Variants in NEDD9 observed in about 807,000 individuals in gnomAD.
NEDD9 encodes the protein neural precursor cell expressed, developmentally down-regulated 9, also known as enhancer of filamentation 1.
Under a neutral mutation model 76.6 loss-of-function variants are expected in NEDD9, and 26 were observed. The ratio of observed to expected loss-of-function variants is 0.34; its 90% confidence interval spans 0.25 to 0.47. The LOEUF (loss-of-function observed/expected upper bound fraction) is 0.47. Ranked by LOEUF, NEDD9 falls within the 20% of genes least tolerant of loss-of-function variation. NEDD9 has a pLI of 1.00. For synonymous variants in NEDD9, 392 were observed against 414.2 expected (o/e 0.95, Z 0.65); for missense variants, 937 against 1,058.5 (o/e 0.89, Z 1.59).
chr6:11,330,944 T>C (rs1762024442), intron 2 of NEDD9, among the ~76,000 whole-genome samples: 1 of 152,186 alleles, frequency 6.6e-6, no homozygotes, highest in African/African-American at 2.4e-5. Flanking sequence ...GTTTATCTAG[T>C]CTATTGTGCA....
At chr6:11,314,096 A>T (rs924268886) in intron 2 of NEDD9, among the ~76,000 whole-genome samples, 2 of 152,232 alleles carry the variant, frequency 1.3e-5, no homozygotes, top group Non-Finnish European at 2.9e-5. Context: ...CTTATAAAAC[A>T]TTCGCAAATT....
At chr6:11,363,526 T>C (rs1762713495) in intron 1 of NEDD9, among the ~76,000 whole-genome samples, 1 of 152,086 alleles carries the variant, frequency 6.6e-6, no homozygotes. Context: ...TACCAGACCA[T>C]AAATGCACTC....
chr6:11,373,948 A>T (rs1163875332), intron 1 of NEDD9, among the ~76,000 whole-genome samples: 1 of 152,142 alleles, frequency 6.6e-6, no homozygotes, highest in African/African-American at 2.4e-5. Flanking sequence ...TCAAGTAGCA[A>T]TGTCAGTTCT....
chr6:11,377,725 T>C (rs554214139), intron 1 of NEDD9, among the ~76,000 whole-genome samples: 4 of 152,296 alleles, frequency 2.6e-5, no homozygotes, highest in South Asian at 2.1e-4. Flanking sequence ...GAGAAGATGA[T>C]TGTATTTTGC....
intron 3 of NEDD9, among the ~76,000 whole-genome samples, chr6:11,238,574 GTTC>G (rs763595367): frequency 2.0e-5 from 3 of 152,196 alleles, no homozygotes; most frequent in Non-Finnish European, 4.4e-5. Flanking sequence ...TGCGTATGTA[GTTC>G]TTCTTTCATC....
intron 3 of NEDD9, among the ~76,000 whole-genome samples, chr6:11,274,542 G>A (rs947323472): frequency 2.2e-4 from 33 of 152,150 alleles, no homozygotes; most frequent in African/African-American, 7.2e-4. Flanking sequence ...CAATCAACTC[G>A]TTAATCCACT....
At chr6:11,334,587 G>A (rs549513190) in intron 1 of NEDD9, 3 of 152,262 alleles carry the variant, frequency 2.0e-5, no homozygotes, top group Admixed American at 6.5e-5. Flanking sequence ...TGGAGCAAAC[G>A]TTAATTGCAT....
chr6:11,214,964 GCTGT>G (rs1222944975), intron 1 of NEDD9, among the ~76,000 whole-genome samples: 3 of 152,166 alleles, frequency 2.0e-5, no homozygotes, highest in Admixed American at 1.3e-4. Flanking sequence ...CTGAGCTTTT[GCTGT>G]CTATTTTCTT....
At chr6:11,233,441 G>A (rs1561800812), upstream of NEDD9, 1 of 518,936 alleles carries the variant, frequency 1.9e-6, no homozygotes, top group Admixed American at 1.9e-5. Flanking sequence ...GTTGGCCAGT[G>A]CACGCCCTAT....
chr6:11,338,215 A>G (rs73366823), intron 1 of NEDD9, among the ~76,000 whole-genome samples: 424 of 152,348 alleles, frequency 2.8e-3, no homozygotes, highest in African/African-American at 9.5e-3. Flanking sequence ...ATAAACACAC[A>G]TGCACACAAG....
chr6:11,190,973 G>A lies in NEDD9; in HGVS notation c.896C>T (p.Pro299Leu), dbSNP rs571081731. Residue 299 changes from proline (P) to leucine (L), a missense_variant, in exon 5 of 7, where the codon CCG (proline) becomes CTG (leucine). Pro to Leu is a moderately conservative substitution (Grantham distance 98, BLOSUM62 -3). Transcript: ENST00000379446. This position sits in a 1 kb window ranked among gnomAD's most constrained non-coding sequence, Gnocchi z 5.8. ...PVARRHQSLS[P>L]NHPPPQLGQS... ...TCCGAGTTGCGGGGGTGGGTGATTC[G>A]GGGACAGGCTCTGGTGCCTTCGAGC... 22 of 1,613,936 alleles carry A rather than the reference G, an allele frequency of 1.4e-5. 1 individual carries two copies. The Admixed American group carries it at 2.0e-4, about 15-fold the overall frequency.
At position 11,214,267 on chromosome 6, in the gene NEDD9, T is replaced by C. The variant is rs533709231; in HGVS notation, c.13-540A>G. ...CCTTGGCAGGGCTTAGAAATTCTTG[T>C]TCTCAGATGACAGGAGCCTTGGATC... is the stretch of plus-strand genomic sequence containing the variant. On this transcript the variant is annotated intron_variant, in intron 1 of 6. Coordinates refer to ENST00000379446, the MANE Select transcript of NEDD9 (RefSeq NM_006403.4). 6.4e-4 allele frequency: 320 copies of C among 501,492 alleles called. 2 individuals carry two copies. Among genetic ancestry groups the C allele is most frequent in the South Asian group, 4.6e-3 (312 of 67,410 alleles). The allele number at this position is 501,492 out of a possible 1,614,324, so 31.1% of individuals were successfully genotyped here.
chr6:11,306,097 T>C (rs564336576), exon 3 of NEDD9: 4 of 1,426,498 alleles, frequency 2.8e-6, no homozygotes, highest in Non-Finnish European at 3.0e-6. Flanking sequence ...ATAACTCTAC[T>C]TGAAGAACAT....
At chr6:11,253,338 CG>C (rs1168329662) in intron 3 of NEDD9, among the ~76,000 whole-genome samples, 1 of 152,048 alleles carries the variant, frequency 6.6e-6, no homozygotes, top group Non-Finnish European at 1.5e-5. Flanking sequence ...ATTGAGGTTG[CG>C]GGGAGTAAGT....
chr6:11,360,273 C>T (rs1762654646), intron 1 of NEDD9, among the ~76,000 whole-genome samples: 1 of 152,208 alleles, frequency 6.6e-6, no homozygotes, highest in Non-Finnish European at 1.5e-5. Flanking sequence ...ATGCAGAAAG[C>T]ATTGTAGAGC....
intron 3 of NEDD9, among the ~76,000 whole-genome samples, chr6:11,258,115 A>G (rs1760040576): frequency 6.6e-6 from 1 of 152,240 alleles, no homozygotes; most frequent in South Asian, 2.1e-4. Context: ...TAAATGAACC[A>G]AAGTGCAAAC....
Position 11,187,696 on chromosome 6 carries a change from A to G in NEDD9, c.1995+522T>C, listed in dbSNP as rs149860773. The stretch of plus-strand genomic sequence containing the variant: ...CCATCTATAGAAGTTCTGAGTGGCC[A>G]TTTATGGGTTCTGCAAAGTTACAGG... On this transcript the variant is annotated intron_variant, in intron 6 of 6. Coordinates refer to ENST00000379446, the MANE Select transcript of NEDD9 (RefSeq NM_006403.4). Among the ~76,000 whole-genome samples the G allele has an allele frequency of 9.4e-3, 1,433 of 152,348 alleles. 8 individuals carry two copies. Among genetic ancestry groups the G allele is most frequent in the Non-Finnish European group, 0.015 (1,023 of 68,034 alleles).
Position 11,225,781 on chromosome 6 carries a change from G to A in NEDD9, c.12+6723C>T, listed in dbSNP as rs1023324276. 2.3e-4 allele frequency among the ~76,000 whole-genome samples: 34 copies of A among 149,854 alleles called. 1 individual carries two copies. The highest frequency in any genetic ancestry group is 8.3e-4 in the African/African-American group (34 of 40,744). Reference sequence around the variant, plus strand: ...CTCCCAAAGTGCTGGGATTACAGGTGTGAGCCACCGCGCCCGGCCTTTTTT... The same window carrying A: ...CTCCCAAAGTGCTGGGATTACAGGTATGAGCCACCGCGCCCGGCCTTTTTT... On this transcript the variant is annotated intron_variant, in intron 1 of 6. Transcript: ENST00000379446.
At chr6:11,311,921 G>A (rs1020907619) in intron 2 of NEDD9, among the ~76,000 whole-genome samples, 12 of 152,106 alleles carry the variant, frequency 7.9e-5, no homozygotes, top group African/African-American at 2.7e-4. Flanking sequence ...GACTTTACTT[G>A]ACATCTCTGC....
Sources: allele counts gnomAD v4.1 joint callset (sites outside exome capture counted in the v4.1 genomes callset), GRCh38; gene constraint gnomAD v4.1.1; non-coding constraint Gnocchi (gnomAD v3.1); transcripts MANE v1.5; gene names NCBI Gene and HGNC (gene_info 2026-07-23, HGNC 2026-07-21).